Variants in WWOX observed in about 807,000 individuals in gnomAD.
The protein encoded by WWOX is WW domain containing oxidoreductase, also known as WW domain-containing oxidoreductase.
WWOX carries 69 observed loss-of-function variants against 46.2 expected under a neutral mutation model. The observed-to-expected ratio is 1.49, with a 90% CI of 1.23 to 1.82. The LOEUF (loss-of-function observed/expected upper bound fraction) is 1.82, where lower values mean the gene tolerates loss of function less well. Among genes scored for constraint, WWOX ranks in the 40% most tolerant of loss-of-function variants. The pLI is 0.00. For missense variants in WWOX, 919 were observed against 542.6 expected (o/e 1.69, Z -6.89); for synonymous variants, 359 against 202.6 (o/e 1.77, Z -6.56).
intron 8 of WWOX, among the ~76,000 whole-genome samples, chr16:79,038,258 C>T (rs1035128919): frequency 6.6e-6 from 1 of 152,030 alleles, no homozygotes; most frequent in African/African-American, 2.4e-5. Flanking sequence ...CAGAAAGATC[C>T]AGTGAATTGT....
At position 78,671,543 on chromosome 16, in the gene WWOX, G is replaced by T. The variant is rs187222236; in HGVS notation, c.1056+238791G>T. ...TTAGCTTATTTAGTACAACAACCCT[G>T]CCCCTTCTAGTTTTTATGATAACCT... is the stretch of plus-strand genomic sequence containing the variant. On this transcript the variant is annotated intron_variant, in intron 8 of 8. Transcript: ENST00000566780. Among the ~76,000 whole-genome samples, 7 of 152,252 alleles carry T rather than the reference G, an allele frequency of 4.6e-5. No individual in the cohort carries two copies. In the East Asian group the frequency reaches 1.4e-3, roughly 29 times the overall value.
chr16:78,732,056 G>T (rs985655829), intron 8 of WWOX, among the ~76,000 whole-genome samples: 2 of 152,048 alleles, frequency 1.3e-5, no homozygotes, highest in Non-Finnish European at 2.9e-5. Flanking sequence ...TAGAGAAAGG[G>T]TCTTGCTATG....
intron 8 of WWOX, among the ~76,000 whole-genome samples, chr16:78,916,028 A>T (rs1332254473): frequency 4.6e-5 from 7 of 152,170 alleles, no homozygotes; most frequent in Admixed American, 4.6e-4. Context: ...AGGGAAAGGG[A>T]ATTTGGAACC....
At chr16:78,603,291 C>G (rs2045667250) in intron 8 of WWOX, among the ~76,000 whole-genome samples, 1 of 152,258 alleles carries the variant, frequency 6.6e-6, no homozygotes, top group Non-Finnish European at 1.5e-5. Context: ...GCCAGAAGGT[C>G]CCTTTGGGCC....
chr16:78,432,683 C>A lies in WWOX; in HGVS notation c.987C>A (p.Ser329=). ...TGCATCCTGGAAATATGATGTACTCCAACATTCATCGCAGCTGGTGGGTGT... is the reference window on the plus strand; with the variant it reads ...TGCATCCTGGAAATATGATGTACTCAAACATTCATCGCAGCTGGTGGGTGT... ...NAVHPGNMMY[S]NIHRSWWVYT... is the part of the protein sequence containing the mutation. The change falls in exon 8 of 9, where the codon TCC becomes TCA. Residue 329 remains serine, a synonymous_variant. Coordinates refer to ENST00000566780, the MANE Select transcript of WWOX (RefSeq NM_016373.4). 6.2e-7 allele frequency: 1 copy of A among 1,614,216 alleles called. No individual in the cohort carries two copies. Among genetic ancestry groups the A allele is most frequent in the Non-Finnish European group, 8.5e-7 (1 of 1,180,048 alleles).
intron 8 of WWOX, among the ~76,000 whole-genome samples, chr16:78,870,355 G>C (rs1365835367): frequency 6.6e-6 from 1 of 151,802 alleles, no homozygotes; most frequent in African/African-American, 2.4e-5. Flanking sequence ...AGAATCACAA[G>C]GTCCATTAAA....
chr16:78,774,817 C>A (rs900027752), intron 8 of WWOX, among the ~76,000 whole-genome samples: 2 of 152,152 alleles, frequency 1.3e-5, no homozygotes, highest in South Asian at 4.1e-4. Context: ...CCCAGGAGAT[C>A]TTGTGCTTCC....
rs2081133695 is a variant in WWOX, at chr16:78,348,610, A to G, written c.517-38250A>G. Among the ~76,000 whole-genome samples, 6 of 119,818 alleles carry G rather than the reference A, an allele frequency of 5.0e-5. 2 individuals are homozygous for G. The South Asian group carries it at 1.0e-3, about 20-fold the overall frequency. The allele number at this position is 119,818 out of a possible 152,430, so 78.6% of individuals were successfully genotyped here. A position where few individuals can be genotyped will look rare whatever the true frequency, so the allele number is the denominator to read the frequency against. On this transcript the variant is annotated intron_variant, in intron 5 of 8. Coordinates refer to ENST00000566780, the MANE Select transcript of WWOX (RefSeq NM_016373.4). ...GTAGCTGGGACTAGAGGCACATGCC[A>G]CTACACCCAGTTAATTACTACATTT...
intron 5 of WWOX, among the ~76,000 whole-genome samples, chr16:78,192,324 G>A (rs552984113): frequency 5.3e-5 from 8 of 151,992 alleles, no homozygotes; most frequent in African/African-American, 1.2e-4. Context: ...GCAAAACTCC[G>A]TCTCTACTAA....
chr16:78,684,581 C>G (rs534112257), intron 8 of WWOX, among the ~76,000 whole-genome samples: 2 of 152,296 alleles, frequency 1.3e-5, no homozygotes, highest in African/African-American at 4.8e-5. Context: ...TGCAACATCC[C>G]TGGGGTGGAG....
At chr16:79,204,135 T>A (rs985331896) in intron 8 of WWOX, 2 of 152,092 alleles carry the variant, frequency 1.3e-5, no homozygotes, top group Non-Finnish European at 2.9e-5. Flanking sequence ...CATGGAAGAA[T>A]AGATACCCCA....
chr16:78,635,816 C>G (rs1237579955), intron 8 of WWOX, among the ~76,000 whole-genome samples: 1 of 152,092 alleles, frequency 6.6e-6, no homozygotes, highest in East Asian at 1.9e-4. Flanking sequence ...GAAGGCGTGC[C>G]CAAATCTCAG....
In WWOX at chr16:78,258,675, G is replaced by C. The variant is rs9938459; in HGVS notation, c.516+94386G>C. 8.7e-5 allele frequency among the ~76,000 whole-genome samples: 10 copies of C among 114,838 alleles called. No homozygotes were observed. In the Admixed American group the frequency reaches 1.0e-3, roughly 12 times the overall value. 75.3% of individuals were successfully genotyped at this position (114,838 alleles called of 152,430 possible). A position where few individuals can be genotyped will look rare whatever the true frequency, so the allele number is the denominator to read the frequency against. ...AAAATGTACTTTTATGTGTTCGTTC[G>C]ACAGTTAAAGAGTATTCCAGATTCC... On this transcript the variant is annotated intron_variant, in intron 5 of 8. Coordinates refer to ENST00000566780, the MANE Select transcript of WWOX (RefSeq NM_016373.4).
At chr16:78,760,601 C>T (rs1449640772) in intron 8 of WWOX, among the ~76,000 whole-genome samples, 1 of 152,130 alleles carries the variant, frequency 6.6e-6, no homozygotes, top group Admixed American at 6.6e-5. Context: ...TCTGTGTCTC[C>T]CCTCCAAGAA....
At chr16:78,391,423 C>T (rs563852924) in intron 6 of WWOX, among the ~76,000 whole-genome samples, 2 of 152,208 alleles carry the variant, frequency 1.3e-5, no homozygotes, top group Admixed American at 6.5e-5. Flanking sequence ...ACTTTCTCAA[C>T]TTGAGCAAGT....
At chr16:78,992,923 T>C (rs760975200) in intron 8 of WWOX, among the ~76,000 whole-genome samples, 1 of 143,746 alleles carries the variant, frequency 7.0e-6, no homozygotes. Flanking sequence ...TATCTACGTA[T>C]AATTTTTGCC....
intron 5 of WWOX, among the ~76,000 whole-genome samples, chr16:78,358,468 GC>G (rs1281957832): frequency 6.6e-6 from 1 of 152,136 alleles, no homozygotes; most frequent in Non-Finnish European, 1.5e-5. Flanking sequence ...GACCAGCCTG[GC>G]CAACATGGTG....
intron 6 of WWOX, among the ~76,000 whole-genome samples, chr16:78,395,990 A>G (rs2082276570): frequency 6.6e-6 from 1 of 152,142 alleles, no homozygotes; most frequent in African/African-American, 2.4e-5. Context: ...CACACTGCAA[A>G]TACTAGGAAT....
At chr16:78,838,315 C>A (rs943021961) in intron 8 of WWOX, among the ~76,000 whole-genome samples, 1 of 152,112 alleles carries the variant, frequency 6.6e-6, no homozygotes, top group Non-Finnish European at 1.5e-5. Context: ...GACAGTGAAC[C>A]AGGAACCAGA....
Sources: gnomAD v4.1 joint callset for allele counts (sites outside exome capture counted in the v4.1 genomes callset) on GRCh38, gnomAD v4.1.1 for gene constraint, MANE v1.5 for transcripts, NCBI Gene and HGNC (gene_info 2026-07-23, HGNC 2026-07-21) for gene names.